Variants in ASAP1 observed in about 807,000 individuals in gnomAD.
The protein encoded by ASAP1 is arf-GAP with SH3 domain, ANK repeat and PH domain-containing protein 1.
A neutral mutation model predicts 145.2 loss-of-function variants in ASAP1; 43 were observed. That is an observed-to-expected ratio of 0.30 (90% CI 0.23 to 0.38). ASAP1 has a LOEUF of 0.38. Ranked by LOEUF, ASAP1 falls within the 10% of genes least tolerant of loss-of-function variation. The pLI, the probability that ASAP1 is intolerant of heterozygous loss-of-function variation, is 1.00. For missense variants in ASAP1, 1,018 were observed against 1,355.3 expected, an observed-to-expected ratio of 0.75 and a Z score of 3.91; for synonymous variants, 546 against 515.5, an observed-to-expected ratio of 1.06 and a Z score of -0.80.
intron 9 of ASAP1, among the ~76,000 whole-genome samples, chr8:130,178,002 G>C (rs1196673984): frequency 6.6e-6 from 1 of 152,172 alleles, no homozygotes; most frequent in Non-Finnish European, 1.5e-5. Context: ...TTAACCAGCT[G>C]CAGAGCCAAA....
chr8:130,224,853 G>C (rs1189866487), intron 4 of ASAP1, among the ~76,000 whole-genome samples: 1 of 152,184 alleles, frequency 6.6e-6, no homozygotes, highest in Non-Finnish European at 1.5e-5. Context: ...ACAAAAGCAG[G>C]ACTGCTGGGG....
intron 3 of ASAP1, among the ~76,000 whole-genome samples, chr8:130,344,817 T>C (rs1445852705): frequency 6.6e-6 from 1 of 152,084 alleles, no homozygotes; most frequent in East Asian, 1.9e-4. Flanking sequence ...AGGACTGAGC[T>C]ACTAGCGCAA....
intron 27 of ASAP1, among the ~76,000 whole-genome samples, chr8:130,062,466 A>C (rs1177727066): frequency 6.6e-6 from 1 of 152,182 alleles, no homozygotes; most frequent in Non-Finnish European, 1.5e-5. Flanking sequence ...TGGCTCTAAA[A>C]GTTAATTTAC....
At chr8:130,180,615 G>A in intron 8 of ASAP1, 136 bp downstream of exon 8, 1 of 1,138,098 alleles carries the variant, frequency 8.8e-7, no homozygotes, top group Non-Finnish European at 1.2e-6. Context: ...GAAAAATGGA[G>A]ATTAGAATCC....
At chr8:130,233,245 G>T (rs1367164207) in intron 4 of ASAP1, among the ~76,000 whole-genome samples, 1 of 152,082 alleles carries the variant, frequency 6.6e-6, no homozygotes, top group Non-Finnish European at 1.5e-5. Flanking sequence ...CCATTTGATG[G>T]ATCCATTCAT....
At chr8:130,118,389 T>C (rs920666662) in intron 19 of ASAP1, 100 bp downstream of exon 19, 1 of 1,378,626 alleles carries the variant, frequency 7.3e-7, no homozygotes, top group South Asian at 1.4e-5. Flanking sequence ...GGCCACCCAA[T>C]GTATAAGAAT....
intron 1 of ASAP1, 24 bp from the exon 2 acceptor site, chr8:130,401,994 G>C (rs1828819111): frequency 6.6e-7 from 1 of 1,510,478 alleles, no homozygotes; most frequent in African/African-American, 1.4e-5. Flanking sequence ...AGGACAAAAA[G>C]GGGACAAGAG....
At chr8:130,187,428 T>C in intron 6 of ASAP1, 143 bp from the exon 7 acceptor site, 1 of 678,072 alleles carries the variant, frequency 1.5e-6, no homozygotes, top group East Asian at 2.9e-5. Flanking sequence ...CCATTTTTTT[T>C]TTTTTTTGAC....
chr8:130,290,956 G>A (rs1821909364), intron 3 of ASAP1, among the ~76,000 whole-genome samples: 4 of 152,174 alleles, frequency 2.6e-5, no homozygotes, highest in Admixed American at 2.6e-4. Context: ...ACCTTCACAA[G>A]TAGGAGCTAC....
chr8:130,412,541 G>A lies in ASAP1; in HGVS notation c.-27-10571C>T, dbSNP rs566072998. 7.2e-5 allele frequency among the ~76,000 whole-genome samples: 11 copies of A among 152,118 alleles called. No individual in the cohort carries two copies. In the South Asian group the frequency reaches 2.3e-3, roughly 32 times the overall value. ...TCCTGTACAGCCTGCAGAGCCATGA[G>A]CCAATTAAACCTCTTTTCTTTATAA... On this transcript the variant is annotated intron_variant, in intron 1 of 29. Coordinates refer to ENST00000518721, the MANE Select transcript of ASAP1 (RefSeq NM_018482.4).
chr8:130,418,288 A>G (rs7840188), intron 1 of ASAP1, among the ~76,000 whole-genome samples: 146,117 of 152,288 alleles, frequency 0.96, 70,312 homozygotes, highest in Non-Finnish European at 1. Flanking sequence ...GGTCGCACAC[A>G]CCTGTAATCC....
At chr8:130,400,692 G>A (rs1256338877) in intron 2 of ASAP1, among the ~76,000 whole-genome samples, 1 of 151,654 alleles carries the variant, frequency 6.6e-6, no homozygotes, top group Non-Finnish European at 1.5e-5. Flanking sequence ...TTGGGAGGCT[G>A]AGGCAGGAGA....
chr8:130,108,460 G>A (rs952212759), intron 24 of ASAP1, among the ~76,000 whole-genome samples: 1 of 152,186 alleles, frequency 6.6e-6, no homozygotes, highest in Non-Finnish European at 1.5e-5. Context: ...TTTGAGTTAA[G>A]ATGCCTACCA....
chr8:130,346,406 A>C (rs534609852), intron 3 of ASAP1, among the ~76,000 whole-genome samples: 1 of 152,252 alleles, frequency 6.6e-6, no homozygotes, highest in South Asian at 2.1e-4. Context: ...GCAGAAGCCT[A>C]TTTCCTGTTT....
chr8:130,101,250 T>C (rs1592800935), intron 24 of ASAP1, among the ~76,000 whole-genome samples: 1 of 152,244 alleles, frequency 6.6e-6, no homozygotes, highest in Non-Finnish European at 1.5e-5. Flanking sequence ...TTAGTATTAC[T>C]TTGGCTATTT....
At chr8:130,425,992 A>G (rs1283111858) in intron 1 of ASAP1, among the ~76,000 whole-genome samples, 1 of 152,210 alleles carries the variant, frequency 6.6e-6, no homozygotes, top group African/African-American at 2.4e-5. Flanking sequence ...GCATTTGCAG[A>G]CAGCAAATAC....
At chr8:130,131,447 T>A (rs916735158) in intron 15 of ASAP1, among the ~76,000 whole-genome samples, 1 of 151,552 alleles carries the variant, frequency 6.6e-6, no homozygotes, top group East Asian at 1.9e-4. Flanking sequence ...CAAAACAAAG[T>A]TCCCCTCTCA....
intron 10 of ASAP1, among the ~76,000 whole-genome samples, chr8:130,168,382 C>T (rs114101662): frequency 0.016 from 2,490 of 152,212 alleles, 71 homozygotes; most frequent in African/African-American, 0.056. Context: ...TGGTGGCTCA[C>T]GCTTGTAATC....
intron 24 of ASAP1, among the ~76,000 whole-genome samples, chr8:130,110,398 T>C (rs3812476): frequency 0.16 from 24,752 of 152,170 alleles, 2,635 homozygotes; most frequent in East Asian, 0.44. Context: ...TCCATTATTG[T>C]ATTCAGTCTG....
Sources: gnomAD v4.1 joint callset for allele counts (sites outside exome capture counted in the v4.1 genomes callset) on GRCh38, gnomAD v4.1.1 for gene constraint, MANE v1.5 for transcripts, NCBI Gene and HGNC (gene_info 2026-07-23, HGNC 2026-07-21) for gene names.